The following ASGR2 variants were observed in gnomAD, a reference collection of about 807,000 sequenced individuals.
ASGR2 encodes C-type lectin domain family 4 member H2.
Under a neutral mutation model 32.3 loss-of-function variants are expected in ASGR2, and 34 were observed. The ratio of observed to expected loss-of-function variants is 1.05; its 90% CI spans 0.80 to 1.40. The LOEUF is 1.40. Ranked by LOEUF, ASGR2 falls within the 40% of genes most tolerant of loss-of-function variation. The pLI is 0.00. For synonymous variants in ASGR2, 143 were observed against 150.0 expected (o/e 0.95, Z 0.34); for missense variants, 385 against 386.4 (o/e 1.00, Z 0.03).
At chr17:7,110,462 T>C (rs1418465632) in intron 2 of ASGR2, among the ~76,000 whole-genome samples, 5 of 152,166 alleles carry the variant, frequency 3.3e-5, no homozygotes, top group African/African-American at 4.8e-5. Flanking sequence ...GTCCGACTTA[T>C]CAACTCCCAA....
chr17:7,104,281 G>A (rs1245020788), intron 7 of ASGR2, among the ~76,000 whole-genome samples: 4 of 149,650 alleles, frequency 2.7e-5, no homozygotes, highest in African/African-American at 1.0e-4. Context: ...CTGGGAGGCG[G>A]AGGTTGTAGT....
At position 7,107,138 on chromosome 17, in the gene ASGR2, G is replaced by C; in HGVS notation, c.510C>G (p.Thr170=). 6.2e-7 allele frequency: 1 copy of C among 1,614,208 alleles called. No homozygotes were observed. The highest frequency in any genetic ancestry group is 8.5e-7 in the Non-Finnish European group (1 of 1,180,030). Residue 170 remains threonine (T), a synonymous_variant, in exon 7 of 9, where the codon ACC becomes ACG. Coordinates refer to ENST00000691900, the MANE Select transcript of ASGR2 (RefSeq NM_001201352.2). The surrounding 1 kb of genome is among the most constrained non-coding windows in gnomAD (Gnocchi z 5.0). ...ELLHSNGSQR[T]CCPVNWVEHQ... ...GCTCCACCCAGTTGACGGGGCAGCAGGTCCTTTGGGAGCCTGAGGGGACAG... is the reference window on the plus strand; with the variant it reads ...GCTCCACCCAGTTGACGGGGCAGCACGTCCTTTGGGAGCCTGAGGGGACAG...
In ASGR2 at chr17:7,108,202, A is replaced by G. The variant is rs998374751; in HGVS notation, c.337+260T>C. ...CACCCCTTACCTGCCTGCCCCTCCG[A>G]TGGGCCTGCCACACTCGATTTGCTC... On this transcript the variant is annotated intron_variant, in intron 4 of 8. Coordinates refer to ENST00000691900, the MANE Select transcript of ASGR2 (RefSeq NM_001201352.2). This position sits in a 1 kb window ranked among gnomAD's most constrained non-coding sequence, Gnocchi z 4.9. 6.6e-6 allele frequency among the ~76,000 whole-genome samples: 1 copy of G among 151,904 alleles called. No homozygotes were observed. Among genetic ancestry groups the G allele is most frequent in the Non-Finnish European group, 1.5e-5 (1 of 67,970 alleles).
At position 7,114,492 on chromosome 17, in the gene ASGR2, AC is replaced by A; in HGVS notation, c.-71+122del. The A allele has an allele frequency of 7.7e-7, 1 of 1,298,020 alleles. No individual in the cohort carries two copies. Among genetic ancestry groups the A allele is most frequent in the Non-Finnish European group, 9.8e-7 (1 of 1,017,830 alleles). The allele number at this position is 1,298,020 out of a possible 1,614,324, so 80.4% of individuals were successfully genotyped here. On this transcript the variant is annotated intron_variant, in intron 1 of 8. Transcript: ENST00000691900. This position sits in a 1 kb window ranked among gnomAD's most constrained non-coding sequence, Gnocchi z 4.5. Reference sequence around the variant, plus strand: ...GCTTGGGCCTTGACCTGGCCAGGAGACCCCTCCCCACGCTCATGGACCCGAC... The same window carrying A: ...GCTTGGGCCTTGACCTGGCCAGGAGACCCTCCCCACGCTCATGGACCCGAC...
In ASGR2 at chr17:7,107,212, G is replaced by C; in HGVS notation, c.496+19C>G. ...CGGAGGGGCAGGCACACTGGGCCTG[G>C]AGACGGCCCCACCCCTACCGTTGCT... On this transcript the variant is annotated intron_variant, in intron 6 of 8. Transcript: ENST00000691900. The surrounding 1 kb of genome is among the most constrained non-coding windows in gnomAD (Gnocchi z 5.0). 1 of 1,614,204 alleles carries C rather than the reference G, an allele frequency of 6.2e-7. No individual in the cohort carries two copies. The highest frequency in any genetic ancestry group is 8.5e-7 in the Non-Finnish European group (1 of 1,180,020).
Position 7,114,464 on chromosome 17 carries a change from A to T in ASGR2, c.-71+151T>A, listed in dbSNP as rs1218994404. The stretch of plus-strand genomic sequence containing the variant: ...GCTGGGTCCTTTCCCTTCTCAGGAG[A>T]CCGCTTGGGCCTTGACCTGGCCAGG... On this transcript the variant is annotated intron_variant, in intron 1 of 8. Transcript: ENST00000691900. This position sits in a 1 kb window ranked among gnomAD's most constrained non-coding sequence, Gnocchi z 4.5. 3 of 1,375,496 alleles carry T rather than the reference A, an allele frequency of 2.2e-6. No homozygotes were observed. In the African/African-American group the frequency reaches 4.4e-5, roughly 20 times the overall value. The allele number at this position is 1,375,496 out of a possible 1,614,324, so 85.2% of individuals were successfully genotyped here.
Position 7,107,952 on chromosome 17 carries a change from T to G in ASGR2, c.338-45A>C. 1 of 1,609,150 alleles carries G rather than the reference T, an allele frequency of 6.2e-7. No individual in the cohort carries two copies. The highest frequency in any genetic ancestry group is 2.2e-5 in the East Asian group (1 of 44,736). On this transcript the variant is annotated intron_variant, in intron 4 of 8. Coordinates refer to ENST00000691900, the MANE Select transcript of ASGR2 (RefSeq NM_001201352.2). This position sits in a 1 kb window ranked among gnomAD's most constrained non-coding sequence, Gnocchi z 5.0. ...TGTTTCCCCGCTGAGCCTCCCTCCG[T>G]CCTCATGCTGCTGGGGGACCGGGGG...
intron 7 of ASGR2, among the ~76,000 whole-genome samples, chr17:7,105,917 T>C (rs890831148): frequency 6.6e-6 from 1 of 151,466 alleles, no homozygotes; most frequent in African/African-American, 2.4e-5. Flanking sequence ...GCCTCCTGAG[T>C]AGCTGGGATT....
Position 7,107,278 on chromosome 17 carries a change from A to G in ASGR2, c.449T>C (p.Val150Ala), listed in dbSNP as rs1167890950. The change falls in exon 6 of 9, where the codon GTG (valine) becomes GCG (alanine). Residue 150 changes from valine to alanine, a missense_variant. Coordinates refer to ENST00000691900, the MANE Select transcript of ASGR2 (RefSeq NM_001201352.2). This position sits in a 1 kb window ranked among gnomAD's most constrained non-coding sequence, Gnocchi z 5.0. ...ALLFHLKHFP[V>A]DLRFVACQME... ...CTGGCAGGCCACGAAGCGCAGGTCC[A>G]CGGGGAAGTGCTTCAGATGGAAGAG... The G allele has an allele frequency of 6.2e-7, 1 of 1,613,924 alleles. No homozygotes were observed. The highest frequency in any genetic ancestry group is 1.3e-5 in the African/African-American group (1 of 74,932).
chr17:7,101,763 G>A (rs879644630), intron 8 of ASGR2, 23 bp from the exon 9 acceptor site: 10 of 1,609,396 alleles, frequency 6.2e-6, no homozygotes, highest in Admixed American at 1.7e-5. Flanking sequence ...GAGAAAACTC[G>A]GACTCTGCCA....
At position 7,108,657 on chromosome 17, in the gene ASGR2, T is replaced by C; in HGVS notation, c.242-100A>G. On this transcript the variant is annotated intron_variant, in intron 3 of 8. Coordinates refer to ENST00000691900, the MANE Select transcript of ASGR2 (RefSeq NM_001201352.2). This position sits in a 1 kb window ranked among gnomAD's most constrained non-coding sequence, Gnocchi z 4.9. ...CAATGTCCCCGCATTTGCCCCAGCT[T>C]GTGCTCCACCCCGCCTCCATCCCTT... The C allele has an allele frequency of 6.2e-7, 1 of 1,602,782 alleles. No homozygotes were observed. Among genetic ancestry groups the C allele is most frequent in the East Asian group, 2.2e-5 (1 of 44,730 alleles).
chr17:7,110,097 C>T (rs1914435897), intron 2 of ASGR2, among the ~76,000 whole-genome samples: 1 of 152,172 alleles, frequency 6.6e-6, no homozygotes, highest in Non-Finnish European at 1.5e-5. Flanking sequence ...CCAGAATCTT[C>T]CTCCCCAGGT....
At chr17:7,101,845 C>T (rs1016010581) in intron 8 of ASGR2, 105 bp from the exon 9 acceptor site, 10 of 1,439,018 alleles carry the variant, frequency 6.9e-6, no homozygotes, top group East Asian at 2.3e-5. Context: ...GAGAGTGGAG[C>T]TGGGGTGTGC....
Position 7,107,489 on chromosome 17 carries a change from C to A in ASGR2, c.410-172G>T. 1.4e-6 allele frequency: 1 copy of A among 693,170 alleles called. No homozygotes were observed. Among genetic ancestry groups the A allele is most frequent in the Non-Finnish European group, 2.5e-6 (1 of 404,504 alleles). The allele number at this position is 693,170 out of a possible 1,614,324, so 42.9% of individuals were successfully genotyped here. On this transcript the variant is annotated intron_variant, in intron 5 of 8. Transcript: ENST00000691900. This position sits in a 1 kb window ranked among gnomAD's most constrained non-coding sequence, Gnocchi z 5.0. ...CATGTACACCACACATAGACCACAC[C>A]ACACACAGATCCATCACACACACAC...
intron 7 of ASGR2, among the ~76,000 whole-genome samples, chr17:7,104,903 G>A (rs980181166): frequency 6.6e-6 from 1 of 151,344 alleles, no homozygotes; most frequent in Non-Finnish European, 1.5e-5. Flanking sequence ...TTGAACCTGG[G>A]AGGCAGAGGT....
chr17:7,112,235 A>C lies in ASGR2; in HGVS notation c.124+1882T>G, dbSNP rs560836898. Among the ~76,000 whole-genome samples the C allele has an allele frequency of 7.8e-3, 771 of 99,058 alleles. 3 individuals are homozygous for C. Among genetic ancestry groups the C allele is most frequent in the African/African-American group, 0.028 (747 of 26,768 alleles). The allele number at this position is 99,058 out of a possible 152,430, so 65.0% of individuals were successfully genotyped here. A position where few individuals can be genotyped will look rare whatever the true frequency, so the allele number is the denominator to read the frequency against. ...ATGCATAATTGAAATCTTTAAAAGA[A>C]AAAGGGGGTAGCAGAAAAAAATCAA... On this transcript the variant is annotated intron_variant, in intron 2 of 8. Transcript: ENST00000691900.
intron 7 of ASGR2, among the ~76,000 whole-genome samples, chr17:7,104,401 T>G (rs527933511): frequency 7.3e-6 from 1 of 137,622 alleles, no homozygotes; most frequent in Non-Finnish European, 1.5e-5. Context: ...CCTGTAATCC[T>G]AGCACTTTGG....
chr17:7,101,924 C>T (rs1400487149), intron 8 of ASGR2, among the ~76,000 whole-genome samples, 166 bp downstream of exon 8: 1 of 152,162 alleles, frequency 6.6e-6, no homozygotes, highest in Non-Finnish European at 1.5e-5. Context: ...CCCAGCAACC[C>T]TCACCCCCAG....
At position 7,107,044 on chromosome 17, in the gene ASGR2, G is replaced by T. The variant is rs1597381369; in HGVS notation, c.604C>A (p.Leu202Met). The T allele has an allele frequency of 6.2e-7, 1 of 1,614,182 alleles. No individual in the cohort carries two copies. Among genetic ancestry groups the T allele is most frequent in the Non-Finnish European group, 8.5e-7 (1 of 1,180,042 alleles). Residue 202 changes from leucine (L) to methionine (M), a missense_variant, in exon 7 of 9, where the codon CTG (leucine) becomes ATG (methionine). Transcript: ENST00000691900. The surrounding 1 kb of genome is among the most constrained non-coding windows in gnomAD (Gnocchi z 5.0). ...ATGACCACCAGGTGTGCGTTCTCCA[G>T]CTGGCAGTACTTCTCCGCCTCAGCC... Reference protein sequence around the residue: ...AWAEAEKYCQLENAHLVVINS... With the variant: ...AWAEAEKYCQMENAHLVVINS...
Sources: gnomAD v4.1 joint callset for allele counts (sites outside exome capture counted in the v4.1 genomes callset) on GRCh38, gnomAD v4.1.1 for gene constraint, Gnocchi (gnomAD v3.1) non-coding constraint, MANE v1.5 for transcripts, NCBI Gene and HGNC (gene_info 2026-07-23, HGNC 2026-07-21) for gene names.